Variants in CPAP observed in about 807,000 individuals in gnomAD.
CPAP encodes centrosome assembly and centriole elongation protein, also known as centrosomal P4.1-associated protein.
the CPAP span, chr13:24,904,093 A>T: frequency 1.2e-6 from 2 of 1,612,100 alleles, no homozygotes; most frequent in Admixed American, 3.3e-5. Flanking sequence ...AACTTCAAAA[A>T]AGGCATTACT....
At chr13:24,889,321 A>T in the CPAP span, 2 of 1,606,144 alleles carry the variant, frequency 1.2e-6, no homozygotes, top group Non-Finnish European at 8.5e-7. Flanking sequence ...CTTACCTTGC[A>T]TTGGAAGATA....
At chr13:24,923,517 A>C in the CPAP span, among the ~76,000 whole-genome samples, 84 of 152,316 alleles carry the variant, frequency 5.5e-4, no homozygotes, top group Non-Finnish European at 8.8e-4. Flanking sequence ...AGAATTCAAG[A>C]AATTTTTTTG....
chr13:24,912,516 T>A, the CPAP span: 1 of 1,352,848 alleles, frequency 7.4e-7, no homozygotes, highest in Non-Finnish European at 1.0e-6. Flanking sequence ...CTAGAACAAA[T>A]GACTTTATTA....
chr13:24,887,324 T>C, the CPAP span, among the ~76,000 whole-genome samples: 1 of 152,196 alleles, frequency 6.6e-6, no homozygotes, highest in Non-Finnish European at 1.5e-5. Context: ...GTCTGTGGCC[T>C]GTAGGAACTG....
At chr13:24,907,308 T>C in the CPAP span, 1 of 805,600 alleles carries the variant, frequency 1.2e-6, no homozygotes. Flanking sequence ...TTTCCCAAAA[T>C]CAGTGCCTCC....
chr13:24,884,381 G>A, the CPAP span: 1 of 1,614,078 alleles, frequency 6.2e-7, no homozygotes. Flanking sequence ...GACAGTGATG[G>A]TCTTCCCATC....
At chr13:24,886,954 C>G in the CPAP span, among the ~76,000 whole-genome samples, 1 of 152,054 alleles carries the variant, frequency 6.6e-6, no homozygotes, top group Non-Finnish European at 1.5e-5. Context: ...GAGAGGTGAC[C>G]GTGGGCATAG....
chr13:24,924,606 T>C, the CPAP span: 1 of 152,256 alleles, frequency 6.6e-6, no homozygotes, highest in African/African-American at 2.4e-5. Context: ...TAAAATGTTC[T>C]ACCTTATCAG....
At chr13:24,911,418 T>C in the CPAP span, among the ~76,000 whole-genome samples, 2 of 152,220 alleles carry the variant, frequency 1.3e-5, no homozygotes, top group African/African-American at 4.8e-5. Context: ...GGTATGGTTC[T>C]TCAGCTGAAC....
At chr13:24,920,879 A>G in the CPAP span, among the ~76,000 whole-genome samples, 94,051 of 151,272 alleles carry the variant, frequency 0.62, 29,351 homozygotes, top group Middle Eastern at 0.69. Context: ...CACCTGGCTT[A>G]GCCTCCCAAA....
chr13:24,913,134 T>TTAGA, the CPAP span: 1 of 913,656 alleles, frequency 1.1e-6, no homozygotes, highest in African/African-American at 1.7e-5. Context: ...GGTAAAGCCA[T>TTAGA]TAGATGTCCT....
chr13:24,914,444 C>T, the CPAP span, among the ~76,000 whole-genome samples: 1 of 152,182 alleles, frequency 6.6e-6, no homozygotes, highest in African/African-American at 2.4e-5. Flanking sequence ...TCTGTTCCAT[C>T]TCCCAAACAT....
the CPAP span, chr13:24,911,825 G>T: frequency 8.2e-7 from 1 of 1,214,078 alleles, no homozygotes; most frequent in Non-Finnish European, 1.2e-6. Flanking sequence ...CATTTATCGG[G>T]CTAGCCTTTA....
chr13:24,894,580 G>A, the CPAP span, among the ~76,000 whole-genome samples: 1 of 152,230 alleles, frequency 6.6e-6, no homozygotes, highest in Non-Finnish European at 1.5e-5. Context: ...CAGTGAATAT[G>A]GGCAAGGCTT....
the CPAP span, among the ~76,000 whole-genome samples, chr13:24,889,806 T>C: frequency 6.6e-6 from 1 of 151,678 alleles, no homozygotes; most frequent in Non-Finnish European, 1.5e-5. Context: ...CACTGAGCAC[T>C]CCCCATGAGG....
the CPAP span, among the ~76,000 whole-genome samples, chr13:24,891,195 C>T: frequency 1.3e-5 from 2 of 152,028 alleles, no homozygotes; most frequent in Admixed American, 1.3e-4. Context: ...CACTCTCCTC[C>T]TTGCAGCCTT....
At chr13:24,914,870 C>T in the CPAP span, among the ~76,000 whole-genome samples, 39 of 152,124 alleles carry the variant, frequency 2.6e-4, no homozygotes, top group African/African-American at 8.9e-4. Context: ...GTTAGGAGTT[C>T]GAGACCAGCC....
the CPAP span, among the ~76,000 whole-genome samples, chr13:24,921,542 A>G: frequency 3.3e-5 from 5 of 152,196 alleles, no homozygotes; most frequent in Non-Finnish European, 7.3e-5. Flanking sequence ...ACTTTACTGG[A>G]TATCTGTTAT....
the CPAP span, chr13:24,905,264 G>C: frequency 3.0e-6 from 4 of 1,322,224 alleles, no homozygotes; most frequent in Non-Finnish European, 1.1e-6. Context: ...AGGAAAGTTA[G>C]GATTTTAAGC....
Sources: allele counts gnomAD v4.1 joint callset (sites outside exome capture counted in the v4.1 genomes callset), GRCh38; gene constraint gnomAD v4.1.1; transcripts MANE v1.5; gene names NCBI Gene and HGNC (gene_info 2026-07-23, HGNC 2026-07-21).